ATP8A2: variants seen among roughly 807,000 people sequenced by gnomAD.
ATP8A2 encodes the protein phospholipid-transporting ATPase IB.
Under a neutral mutation model 165.6 loss-of-function variants are expected in ATP8A2, and 100 were observed. The observed-to-expected ratio is 0.60, with a 90% CI of 0.51 to 0.71. ATP8A2 has a LOEUF of 0.71. Among genes scored for constraint, ATP8A2 ranks in the 30% least tolerant of loss-of-function variants. ATP8A2 has a pLI of 0.00. For missense variants in ATP8A2, 1,227 were observed against 1,479.5 expected (o/e 0.83, Z 2.80); for synonymous variants, 543 against 548.8 (o/e 0.99, Z 0.15).
At position 25,986,643 on chromosome 13, in the gene ATP8A2, T is replaced by G. The variant is rs149744051; in HGVS notation, c.3377+17964T>G. On this transcript the variant is annotated intron_variant, in intron 35 of 36. Transcript: ENST00000381655. ...TAGGTTGATTCCATATCTTGGTTAT[T>G]GTAAATAATGCTGCAGTGAACATGG... is the stretch of plus-strand genomic sequence containing the variant. Among the ~76,000 whole-genome samples, 970 of 152,346 alleles carry G rather than the reference T, an allele frequency of 6.4e-3. 5 individuals are homozygous for G. Among genetic ancestry groups the G allele is most frequent in the Middle Eastern group, 0.027 (8 of 294 alleles).
intron 2 of ATP8A2, among the ~76,000 whole-genome samples, chr13:25,481,645 C>T (rs1475943594): frequency 6.6e-6 from 1 of 152,208 alleles, no homozygotes; most frequent in African/African-American, 2.4e-5. Flanking sequence ...AATACATAGA[C>T]TGCGGGGGCG....
chr13:25,927,915 C>G (rs978042168), intron 33 of ATP8A2, among the ~76,000 whole-genome samples: 1 of 152,164 alleles, frequency 6.6e-6, no homozygotes, highest in Non-Finnish European at 1.5e-5. Context: ...TTTACATTGC[C>G]GAAGATGGCT....
rs377327155 is a variant in ATP8A2, at chr13:25,503,801, C to T, written c.222-26198C>T. Among the ~76,000 whole-genome samples the T allele has an allele frequency of 5.9e-5, 9 of 152,244 alleles. No individual in the cohort carries two copies. The South Asian group carries it at 1.9e-3, about 32-fold the overall frequency. On this transcript the variant is annotated intron_variant, in intron 2 of 36. Transcript: ENST00000381655. ...ATCCTTAATGGCAAGTTTGGTGTGG[C>T]ATGTGACTCTGAGCCTGTTGCCGGC...
chr13:25,688,285 A>G (rs1311017916), intron 24 of ATP8A2, among the ~76,000 whole-genome samples: 4 of 151,888 alleles, frequency 2.6e-5, no homozygotes, highest in African/African-American at 7.3e-5. Flanking sequence ...CCTCCTTGCC[A>G]GTCTGTGTAA....
chr13:25,389,229 G>C (rs1356043379), intron 1 of ATP8A2, among the ~76,000 whole-genome samples: 1 of 152,186 alleles, frequency 6.6e-6, no homozygotes, highest in Admixed American at 6.5e-5. Context: ...GAATCAAATA[G>C]AAATTGTTGG....
chr13:25,686,673 C>G (rs1467219126), intron 24 of ATP8A2, among the ~76,000 whole-genome samples: 3 of 152,164 alleles, frequency 2.0e-5, no homozygotes, highest in African/African-American at 7.2e-5. Flanking sequence ...CAGTTAACCT[C>G]TTGTCAACCT....
chr13:25,487,888 T>C (rs1024209478), intron 2 of ATP8A2, among the ~76,000 whole-genome samples: 4 of 152,076 alleles, frequency 2.6e-5, no homozygotes, highest in Non-Finnish European at 5.9e-5. Flanking sequence ...GGTAATTAGC[T>C]ATAGTATAAG....
rs2043952235 is a variant in ATP8A2, at chr13:25,743,102, G to T, written c.2385-25944G>T. Among the ~76,000 whole-genome samples the T allele has an allele frequency of 7.2e-5, 11 of 152,088 alleles. No homozygotes were observed. The South Asian group carries it at 2.3e-3, about 32-fold the overall frequency. ...TGTATTGAGATGAGGTCATTAGGGT[G>T]GACCTCATCTTAATACACCTTTATA... On this transcript the variant is annotated intron_variant, in intron 25 of 36. Transcript: ENST00000381655.
chr13:25,618,181 C>A (rs1043472241), intron 24 of ATP8A2, among the ~76,000 whole-genome samples: 5 of 152,106 alleles, frequency 3.3e-5, no homozygotes, highest in African/African-American at 1.2e-4. Context: ...TGTTCTACAG[C>A]GGTCTTCAGT....
chr13:25,724,760 A>G (rs1395735094), intron 25 of ATP8A2, among the ~76,000 whole-genome samples: 1 of 152,138 alleles, frequency 6.6e-6, no homozygotes, highest in Non-Finnish European at 1.5e-5. Context: ...AGTAGAAGAA[A>G]ATGAGGTATC....
intron 1 of ATP8A2, among the ~76,000 whole-genome samples, chr13:25,383,297 G>A (rs111735009): frequency 2.6e-5 from 4 of 151,954 alleles, no homozygotes; most frequent in African/African-American, 4.8e-5. Context: ...TAGAGACGGC[G>A]TTTCACCATG....
intron 1 of ATP8A2, among the ~76,000 whole-genome samples, chr13:25,389,368 C>T (rs749499250): frequency 3.3e-5 from 5 of 152,016 alleles, no homozygotes; most frequent in Admixed American, 6.6e-5. Flanking sequence ...GGAAATAAGA[C>T]AACAGGCTGA....
At chr13:25,453,607 C>T (rs924046062) in intron 1 of ATP8A2, among the ~76,000 whole-genome samples, 3 of 152,132 alleles carry the variant, frequency 2.0e-5, no homozygotes, top group Non-Finnish European at 4.4e-5. Flanking sequence ...TTCCTCTATT[C>T]GTCCCTAATC....
chr13:25,377,916 C>T (rs773402253), intron 1 of ATP8A2, among the ~76,000 whole-genome samples: 4 of 152,078 alleles, frequency 2.6e-5, no homozygotes, highest in Non-Finnish European at 5.9e-5. Flanking sequence ...GCCAGGAGTT[C>T]GAGACCAGCC....
intron 2 of ATP8A2, among the ~76,000 whole-genome samples, chr13:25,485,440 C>T (rs951988236): frequency 2.0e-5 from 3 of 152,222 alleles, no homozygotes; most frequent in African/African-American, 7.2e-5. Flanking sequence ...TTACCAACCT[C>T]CTTCCACTGC....
At chr13:25,414,878 A>G (rs1315740197) in intron 1 of ATP8A2, among the ~76,000 whole-genome samples, 2 of 152,156 alleles carry the variant, frequency 1.3e-5, no homozygotes, top group African/African-American at 4.8e-5. Flanking sequence ...CCCAGCTATC[A>G]TTCATCTCTT....
chr13:25,507,683 A>T (rs1189129983), intron 2 of ATP8A2, among the ~76,000 whole-genome samples: 1 of 152,218 alleles, frequency 6.6e-6, no homozygotes, highest in African/African-American at 2.4e-5. Context: ...CTGACATAAA[A>T]AAGTCAGTAA....
intron 2 of ATP8A2, among the ~76,000 whole-genome samples, chr13:25,485,948 A>G (rs937687503): frequency 6.6e-6 from 1 of 152,204 alleles, no homozygotes; most frequent in South Asian, 2.1e-4. Context: ...CTCAACAAAA[A>G]TTTAAATGAG....
At chr13:25,753,639 A>G (rs1363777836) in intron 25 of ATP8A2, among the ~76,000 whole-genome samples, 1 of 152,138 alleles carries the variant, frequency 6.6e-6, no homozygotes, top group Non-Finnish European at 1.5e-5. Context: ...ACCTGGAGGG[A>G]TGGCTTCTTA....
Sources: gnomAD v4.1 joint callset for allele counts (sites outside exome capture counted in the v4.1 genomes callset) on GRCh38, gnomAD v4.1.1 for gene constraint, MANE v1.5 for transcripts, NCBI Gene and HGNC (gene_info 2026-07-23, HGNC 2026-07-21) for gene names.